The following LRBA variants were observed in gnomAD, a reference collection of about 807,000 sequenced individuals.
LRBA encodes lipopolysaccharide-responsive and beige-like anchor protein.
Under a neutral mutation model 330.0 loss-of-function variants are expected in LRBA, and 176 were observed. That is an observed-to-expected ratio of 0.53 (90% CI 0.47 to 0.60). The LOEUF (loss-of-function observed/expected upper bound fraction) is 0.60, where lower values mean the gene tolerates loss of function less well. Ranked by LOEUF, LRBA falls within the 20% of genes least tolerant of loss-of-function variation. The pLI is 0.00. For synonymous variants in LRBA, 1,230 were observed against 1,193.0 expected, an observed-to-expected ratio of 1.03 and a Z score of -0.64; for missense variants, 3,259 against 3,444.8, an observed-to-expected ratio of 0.95 and a Z score of 1.35.
chr4:150,295,194 CT>C (rs146893381), intron 53 of LRBA, among the ~76,000 whole-genome samples: 16,793 of 112,834 alleles, frequency 0.15, 1,073 homozygotes, highest in Non-Finnish European at 0.2. Flanking sequence ...ATTAAAATAG[CT>C]TTTTTTTTTT....
intron 2 of LRBA, among the ~76,000 whole-genome samples, chr4:150,981,246 T>C (rs1463723201): frequency 1.3e-5 from 2 of 151,732 alleles, no homozygotes; most frequent in Non-Finnish European, 2.9e-5. Context: ...ACCTTGTCTC[T>C]ACTAAAAATA....
At chr4:150,423,554 T>C in intron 46 of LRBA, 1 of 404,492 alleles carries the variant, frequency 2.5e-6, no homozygotes, top group South Asian at 2.5e-5. Context: ...GCTATACTTC[T>C]TACTGTTGCT....
At chr4:150,394,756 T>C (rs980574332) in intron 47 of LRBA, among the ~76,000 whole-genome samples, 1 of 152,196 alleles carries the variant, frequency 6.6e-6, no homozygotes, top group Non-Finnish European at 1.5e-5. Flanking sequence ...GAAAATAGAA[T>C]GTTGAAAACA....
chr4:150,527,395 C>T (rs1198731888), intron 40 of LRBA, among the ~76,000 whole-genome samples: 1 of 152,070 alleles, frequency 6.6e-6, no homozygotes, highest in African/African-American at 2.4e-5. Context: ...AAACTATCAA[C>T]CAAACTTGAG....
intron 37 of LRBA, among the ~76,000 whole-genome samples, chr4:150,640,866 C>T (rs1386052398): frequency 6.6e-6 from 1 of 152,070 alleles, no homozygotes; most frequent in Non-Finnish European, 1.5e-5. Context: ...AGAAAAATTC[C>T]AAATTCTCCA....
intron 40 of LRBA, among the ~76,000 whole-genome samples, chr4:150,524,011 C>T (rs748942929): frequency 6.6e-6 from 1 of 152,082 alleles, no homozygotes; most frequent in African/African-American, 2.4e-5. Flanking sequence ...ATGTTGTTGT[C>T]TTACTTTAGA....
At chr4:150,585,289 T>C (rs868173754) in intron 40 of LRBA, among the ~76,000 whole-genome samples, 37 of 152,332 alleles carry the variant, frequency 2.4e-4, no homozygotes, top group Middle Eastern at 6.8e-3. Flanking sequence ...ATTACTTCCA[T>C]TTTAAAATGG....
At chr4:150,536,097 C>T (rs1446442009) in intron 40 of LRBA, among the ~76,000 whole-genome samples, 2 of 152,066 alleles carry the variant, frequency 1.3e-5, no homozygotes, top group Non-Finnish European at 2.9e-5. Flanking sequence ...GGACACTCTA[C>T]AGAACAAATG....
chr4:150,423,622 C>T, intron 46 of LRBA: 1 of 302,154 alleles, frequency 3.3e-6, no homozygotes. Context: ...GAAATGTCCT[C>T]ACCAACAGCC....
intron 16 of LRBA, among the ~76,000 whole-genome samples, chr4:150,893,372 G>A (rs1408889391): frequency 6.6e-6 from 1 of 152,002 alleles, no homozygotes; most frequent in African/African-American, 2.4e-5. Context: ...GTGCGGGGGG[G>A]CAGAGTCTCG....
chr4:150,595,834 T>C (rs1377132027), intron 38 of LRBA, among the ~76,000 whole-genome samples: 1 of 151,892 alleles, frequency 6.6e-6, no homozygotes, highest in African/African-American at 2.4e-5. Context: ...AGGTTCCTTC[T>C]ACATCTAAAA....
chr4:150,386,464 C>G (rs553009935), intron 47 of LRBA, among the ~76,000 whole-genome samples: 1 of 141,034 alleles, frequency 7.1e-6, no homozygotes, highest in Non-Finnish European at 1.5e-5. Flanking sequence ...TCCCCTCCCC[C>G]TGTCCATGTG....
chr4:150,478,406 T>G (rs1756948727), intron 42 of LRBA, among the ~76,000 whole-genome samples: 1 of 152,206 alleles, frequency 6.6e-6, no homozygotes, highest in Non-Finnish European at 1.5e-5. Context: ...CTAATCCCAG[T>G]AAATGCCACT....
intron 37 of LRBA, among the ~76,000 whole-genome samples, chr4:150,626,550 G>T (rs904775100): frequency 7.3e-5 from 11 of 151,694 alleles, no homozygotes; most frequent in Non-Finnish European, 1.3e-4. Flanking sequence ...ATTCTTTGTG[G>T]TAACATATAT....
chr4:150,562,220 A>G (rs1768448212), intron 40 of LRBA, among the ~76,000 whole-genome samples: 1 of 152,182 alleles, frequency 6.6e-6, no homozygotes, highest in Non-Finnish European at 1.5e-5. Context: ...ATCAACATAT[A>G]ATATTCTGTG....
At chr4:150,581,418 A>T (rs941513713) in intron 40 of LRBA, 9 of 381,618 alleles carry the variant, frequency 2.4e-5, no homozygotes, top group Non-Finnish European at 4.7e-5. Flanking sequence ...GATGACTTTA[A>T]AGGAGGAAAA....
At chr4:150,586,499 T>C (rs548022791) in intron 40 of LRBA, among the ~76,000 whole-genome samples, 1 of 152,278 alleles carries the variant, frequency 6.6e-6, no homozygotes, top group South Asian at 2.1e-4. Context: ...CTTCTCCCAG[T>C]AGCTGACTGA....
intron 21 of LRBA, 101 bp from the exon 22 acceptor site, chr4:150,867,964 C>A: frequency 9.6e-7 from 1 of 1,044,264 alleles, no homozygotes; most frequent in East Asian, 2.6e-5. Flanking sequence ...CCCTTTCCCC[C>A]CGAAAAAGAA....
At chr4:150,758,572 CTT>C (rs35416240) in intron 35 of LRBA, among the ~76,000 whole-genome samples, 325 of 116,994 alleles carry the variant, frequency 2.8e-3, no homozygotes, top group Middle Eastern at 0.01. Flanking sequence ...ATCTCTTTGT[CTT>C]TTTTTTTTTT....
Sources: allele counts gnomAD v4.1 joint callset (sites outside exome capture counted in the v4.1 genomes callset), GRCh38; gene constraint gnomAD v4.1.1; transcripts MANE v1.5; gene names NCBI Gene and HGNC (gene_info 2026-07-23, HGNC 2026-07-21).